The following KHDRBS1 variants were observed in gnomAD, a reference collection of about 807,000 sequenced individuals.
KHDRBS1 encodes the protein KH RNA binding domain containing, signal transduction associated 1, also known as KH domain-containing, RNA-binding, signal transduction-associated protein 1.
A neutral mutation model predicts 48.4 loss-of-function variants in KHDRBS1; 7 were observed. The ratio of observed to expected loss-of-function variants is 0.14; its 90% CI spans 0.08 to 0.27. The LOEUF (loss-of-function observed/expected upper bound fraction) is 0.27, where lower values mean the gene tolerates loss of function less well. KHDRBS1 is among the 10% of genes least tolerant of loss of function. The pLI, the probability that KHDRBS1 is intolerant of heterozygous loss-of-function variation, is 1.00. For synonymous variants in KHDRBS1, 241 were observed against 235.8 expected, an observed-to-expected ratio of 1.02 and a Z score of -0.20; for missense variants, 458 against 601.2, an observed-to-expected ratio of 0.76 and a Z score of 2.49.
chr1:32,040,612 A>G (rs1256927007), intron 8 of KHDRBS1, among the ~76,000 whole-genome samples: 1 of 152,200 alleles, frequency 6.6e-6, no homozygotes, highest in Non-Finnish European at 1.5e-5. Context: ...ACATCGCTCA[A>G]GTGTGTCCTC....
At chr1:32,020,616 TAAAA>T (rs970503623) in intron 1 of KHDRBS1, among the ~76,000 whole-genome samples, 3 of 77,512 alleles carry the variant, frequency 3.9e-5, no homozygotes, top group Admixed American at 1.4e-4. Context: ...TACTGTGCAA[TAAAA>T]AAAAAAAAAA....
intron 4 of KHDRBS1, among the ~76,000 whole-genome samples, chr1:32,034,668 C>T (rs934720564): frequency 1.3e-5 from 2 of 151,780 alleles, no homozygotes; most frequent in African/African-American, 4.8e-5. Context: ...TTTCAAGTAC[C>T]TCATCTTCAT....
intron 8 of KHDRBS1, among the ~76,000 whole-genome samples, chr1:32,040,298 C>T (rs570813443): frequency 3.1e-4 from 47 of 152,080 alleles, no homozygotes; most frequent in Non-Finnish European, 6.3e-4. Flanking sequence ...CGCCTTTAAT[C>T]TCAGCTACTT....
intron 1 of KHDRBS1, 146 bp downstream of exon 1, chr1:32,014,523 C>T: frequency 1.2e-6 from 1 of 865,210 alleles, no homozygotes; most frequent in Non-Finnish European, 1.6e-6. Flanking sequence ...GCCTGGATTC[C>T]ACATTCCCAC....
Position 32,034,743 on chromosome 1 carries a change from C to T in KHDRBS1, c.771+1409C>T, listed in dbSNP as rs202017001. 2.2e-4 allele frequency among the ~76,000 whole-genome samples: 33 copies of T among 151,746 alleles called. No individual in the cohort carries two copies. In the South Asian group the frequency reaches 6.5e-3, roughly 30 times the overall value. ...CTGTAATCCCAGCATTTTGGAAGGC[C>T]GAGGCGGGTGGATCACGAGGTCAGG... On this transcript the variant is annotated intron_variant, in intron 4 of 8. Transcript: ENST00000327300.
chr1:32,014,420 C>G (rs1349791536), intron 1 of KHDRBS1, 43 bp downstream of exon 1: 3 of 1,290,082 alleles, frequency 2.3e-6, no homozygotes, highest in Non-Finnish European at 3.0e-6. Flanking sequence ...CCGGCCATCC[C>G]GGGCATGAGT....
intron 10 of KHDRBS1, among the ~76,000 whole-genome samples, chr1:32,057,150 G>A (rs1025725948): frequency 2.0e-5 from 3 of 152,140 alleles, no homozygotes; most frequent in Admixed American, 6.5e-5. Flanking sequence ...TAGGACTGAA[G>A]CAAGTTGAAG....
rs1267350487 is a variant in KHDRBS1, at chr1:32,036,893, G to A, written c.772-17G>A. On this transcript the variant is annotated splice_polypyrimidine_tract_variant and intron_variant, in intron 4 of 8. Transcript: ENST00000327300. Reference sequence around the variant, plus strand: ...GTGTAGATACCACACAATACTCCTTGTATCTTTCGTTCCCAGGATATGATG... The same window carrying A: ...GTGTAGATACCACACAATACTCCTTATATCTTTCGTTCCCAGGATATGATG... The A allele has an allele frequency of 2.5e-6, 4 of 1,608,866 alleles. No individual in the cohort carries two copies. Among genetic ancestry groups the A allele is most frequent in the Non-Finnish European group, 2.5e-6 (3 of 1,177,138 alleles).
chr1:32,014,095 C>G lies in KHDRBS1; in HGVS notation c.100C>G (p.Pro34Ala). 3 of 1,449,052 alleles carry G rather than the reference C, an allele frequency of 2.1e-6. No individual in the cohort carries two copies. Among genetic ancestry groups the G allele is most frequent in the Non-Finnish European group, 2.7e-6 (3 of 1,104,100 alleles). 89.8% of individuals were successfully genotyped at this position (1,449,052 alleles called of 1,614,324 possible). A position where few individuals can be genotyped will look rare whatever the true frequency, so the allele number is the denominator to read the frequency against. The change falls in exon 1 of 9, where the codon CCG (proline) becomes GCG (alanine). Residue 34 changes from proline (P) to alanine (A), a missense_variant. Pro to Ala is a conservative substitution (Grantham distance 27, BLOSUM62 -1). Around this residue, in one of 3 missense-constraint regions of KHDRBS1, gnomAD observed 213 missense variants for 215.6 expected, o/e 0.99. Transcript: ENST00000327300. Reference sequence around the variant, plus strand: ...TGCCCACCCCTCGGTGCGTCAGACGCCGTCTCGGCAGCCGCCGCTGCCTCA... The same window carrying G: ...TGCCCACCCCTCGGTGCGTCAGACGGCGTCTCGGCAGCCGCCGCTGCCTCA... ...SGAHPSVRQT[P>A]SRQPPLPHRS...
rs948878549 is a variant in KHDRBS1, at chr1:32,014,839, G to C, written c.382+462G>C. 7.9e-5 allele frequency among the ~76,000 whole-genome samples: 12 copies of C among 152,348 alleles called. No individual in the cohort carries two copies. In the East Asian group the frequency reaches 2.3e-3, roughly 29 times the overall value. ...ACCGTGGGAGGAAGGGCCGAGGTGA[G>C]GTGGGGTGAGGCTGGAATGCCCTGT... On this transcript the variant is annotated intron_variant, in intron 1 of 8. Transcript: ENST00000327300.
At chr1:32,029,801 C>CG (rs1639047689) in intron 1 of KHDRBS1, among the ~76,000 whole-genome samples, 1 of 152,172 alleles carries the variant, frequency 6.6e-6, no homozygotes, top group African/African-American at 2.4e-5. Context: ...TAACTTAGGT[C>CG]ACACGACTAG....
Position 32,037,122 on chromosome 1 carries a change from C to G in KHDRBS1, c.905+79C>G, listed in dbSNP as rs576322769. On this transcript the variant is annotated intron_variant, in intron 5 of 8. Transcript: ENST00000327300. ...ATCTCTTTTAGTGGTGCTCTTATGT[C>G]TAGCTTAGGAAGGGTCTCAGGATTT... The G allele has an allele frequency of 1.0e-5, 15 of 1,481,722 alleles. No homozygotes were observed. In the African/African-American group the frequency reaches 1.5e-4, roughly 15 times the overall value. 91.8% of individuals were successfully genotyped at this position (1,481,722 alleles called of 1,614,324 possible).
chr1:32,029,061 A>G (rs1456565680), intron 1 of KHDRBS1, among the ~76,000 whole-genome samples: 1 of 152,164 alleles, frequency 6.6e-6, no homozygotes, highest in Non-Finnish European at 1.5e-5. Context: ...TAATGATTGT[A>G]CCTATTATAG....
intron 10 of KHDRBS1, among the ~76,000 whole-genome samples, chr1:32,053,067 C>G (rs1407443540): frequency 1.3e-5 from 2 of 152,152 alleles, no homozygotes; most frequent in African/African-American, 4.8e-5. Flanking sequence ...TCAGGAAGAT[C>G]TCTTGAGCCC....
chr1:32,042,414 A>G (rs1250908483), intron 8 of KHDRBS1, 113 bp from the exon 9 acceptor site: 1 of 688,682 alleles, frequency 1.5e-6, no homozygotes, highest in Admixed American at 2.4e-5. Context: ...GGAAGTGTCA[A>G]GACATTAGAA....
chr1:32,054,724 G>A (rs1457469491), intron 10 of KHDRBS1, among the ~76,000 whole-genome samples: 1 of 152,200 alleles, frequency 6.6e-6, no homozygotes, highest in African/African-American at 2.4e-5. Context: ...GGCTTTGAAT[G>A]TAGCCTAACG....
At chr1:32,040,369 C>T (rs1385451043) in intron 8 of KHDRBS1, among the ~76,000 whole-genome samples, 1 of 151,938 alleles carries the variant, frequency 6.6e-6, no homozygotes, top group Non-Finnish European at 1.5e-5. Context: ...CGAGCTGAGA[C>T]CGTGCCATTG....
rs147043013 is a variant in KHDRBS1 at position 32,052,038 on chromosome 1, AAAG to A, written n.1301+6657_1301+6659del. ...CATCCACTGATCTTGACCACATTTA[AAAG>A]AAGAAGAAAGTGAGATAGGGAAAAT... On this transcript the variant is annotated intron_variant and non_coding_transcript_variant, in intron 10 of 10. Transcript: ENST00000484270. 9.2e-3 allele frequency among the ~76,000 whole-genome samples: 1,401 copies of A among 152,310 alleles called. 7 individuals are homozygous for A. Among genetic ancestry groups the A allele is most frequent in the Non-Finnish European group, 0.015 (1,046 of 68,030 alleles).
intron 8 of KHDRBS1, among the ~76,000 whole-genome samples, chr1:32,040,560 G>A (rs1253411273): frequency 6.6e-6 from 1 of 152,234 alleles, no homozygotes; most frequent in African/African-American, 2.4e-5. Flanking sequence ...GGCTGCAACA[G>A]CAGCAGGACA....
Sources: allele counts gnomAD v4.1 joint callset (sites outside exome capture counted in the v4.1 genomes callset), GRCh38; gene constraint gnomAD v4.1.1; regional missense constraint gnomAD v4.1.1; transcripts MANE v1.5; gene names NCBI Gene and HGNC (gene_info 2026-07-23, HGNC 2026-07-21).